LRMDA: variants seen among roughly 807,000 people sequenced by gnomAD.
LRMDA encodes the protein leucine rich melanocyte differentiation associated, also known as leucine-rich melanocyte differentiation-associated protein.
A neutral mutation model predicts 29.8 loss-of-function variants in LRMDA; 18 were observed. The ratio of observed to expected loss-of-function variants is 0.60; its 90% CI spans 0.42 to 0.90. The LOEUF is 0.90. LRMDA is among the 40% of genes least tolerant of loss of function. LRMDA has a pLI of 0.00. For missense variants in LRMDA, 273 were observed against 273.9 expected, an observed-to-expected ratio of 1.00 and a Z score of 0.02; for synonymous variants, 125 against 109.4, an observed-to-expected ratio of 1.14 and a Z score of -0.89.
chr10:76,486,628 C>G (rs1011107674), intron 6 of LRMDA, among the ~76,000 whole-genome samples: 3 of 151,906 alleles, frequency 2.0e-5, no homozygotes, highest in Non-Finnish European at 4.4e-5. Context: ...TACACTGTCA[C>G]ACAGTGGGGA....
At chr10:76,102,825 A>T (rs1276517734) in intron 5 of LRMDA, among the ~76,000 whole-genome samples, 1 of 151,932 alleles carries the variant, frequency 6.6e-6, no homozygotes, top group Non-Finnish European at 1.5e-5. Flanking sequence ...TCTATTTTTT[A>T]AAAATTTTTT....
At chr10:75,746,209 A>T (rs1238806367) in intron 2 of LRMDA, among the ~76,000 whole-genome samples, 1 of 152,206 alleles carries the variant, frequency 6.6e-6, no homozygotes, top group Non-Finnish European at 1.5e-5. Flanking sequence ...TAAATGCTCC[A>T]CAAACATTAG....
intron 2 of LRMDA, among the ~76,000 whole-genome samples, chr10:75,860,569 G>A (rs552375521): frequency 1.1e-4 from 16 of 152,140 alleles, no homozygotes; most frequent in East Asian, 3.9e-4. Flanking sequence ...TGATCTGTCC[G>A]CCTCGGCCTC....
At chr10:75,939,133 C>CT (rs1846346548) in intron 2 of LRMDA, among the ~76,000 whole-genome samples, 1 of 152,106 alleles carries the variant, frequency 6.6e-6, no homozygotes, top group Admixed American at 6.6e-5. Flanking sequence ...CCTTGTGGTC[C>CT]TAAAAACATA....
chr10:76,522,634 C>G (rs1002788322), intron 6 of LRMDA, among the ~76,000 whole-genome samples: 1 of 152,156 alleles, frequency 6.6e-6, no homozygotes, highest in Non-Finnish European at 1.5e-5. Context: ...TCATCCAGTG[C>G]ATTTTTCTAC....
chr10:75,592,472 CCG>C (rs1471631159), intron 2 of LRMDA, among the ~76,000 whole-genome samples: 1 of 152,232 alleles, frequency 6.6e-6, no homozygotes, highest in Non-Finnish European at 1.5e-5. Context: ...TCCTCCTCCA[CCG>C]CGGAGATCTG....
At chr10:75,796,809 C>T (rs1446999765) in intron 2 of LRMDA, among the ~76,000 whole-genome samples, 2 of 152,270 alleles carry the variant, frequency 1.3e-5, no homozygotes, top group Non-Finnish European at 2.9e-5. Context: ...AGGTGATCCA[C>T]CCGCCTTGGC....
At chr10:76,081,850 T>G (rs1295317996) in intron 5 of LRMDA, among the ~76,000 whole-genome samples, 1 of 152,242 alleles carries the variant, frequency 6.6e-6, no homozygotes, top group Non-Finnish European at 1.5e-5. Context: ...ATGCATGTTA[T>G]GTAATACATA....
intron 6 of LRMDA, among the ~76,000 whole-genome samples, chr10:76,497,711 A>C (rs1842887139): frequency 1.3e-5 from 1 of 75,894 alleles, no homozygotes; most frequent in Admixed American, 1.2e-4. Context: ...TATGCATGTA[A>C]ATAGGGTCAG....
At chr10:76,518,799 TATAAG>T (rs1444133976) in intron 6 of LRMDA, among the ~76,000 whole-genome samples, 1 of 152,118 alleles carries the variant, frequency 6.6e-6, no homozygotes. Context: ...CAAAAAAAGA[TATAAG>T]AGATGAATAA....
intron 6 of LRMDA, among the ~76,000 whole-genome samples, chr10:76,524,366 C>T (rs2132365572): frequency 6.6e-6 from 1 of 152,290 alleles, no homozygotes; most frequent in East Asian, 1.9e-4. Flanking sequence ...GCAGCGCTTA[C>T]ATTCTGCAGC....
At chr10:76,417,374 T>G (rs1444015059) in intron 6 of LRMDA, among the ~76,000 whole-genome samples, 5 of 152,186 alleles carry the variant, frequency 3.3e-5, no homozygotes, top group Non-Finnish European at 2.9e-5. Context: ...CCAACTTATT[T>G]TAAAATAAAC....
intron 2 of LRMDA, among the ~76,000 whole-genome samples, chr10:75,462,585 A>C (rs951859109): frequency 4.6e-5 from 7 of 152,202 alleles, no homozygotes; most frequent in African/African-American, 1.7e-4. Flanking sequence ...GGATCCGGGA[A>C]TTGGGGCTGG....
At chr10:76,436,297 T>C (rs1589186541) in intron 6 of LRMDA, among the ~76,000 whole-genome samples, 1 of 152,164 alleles carries the variant, frequency 6.6e-6, no homozygotes, top group East Asian at 1.9e-4. Flanking sequence ...GAGTGAAAAA[T>C]AAGTGTGTGA....
Position 76,047,304 on chromosome 10 carries a change from G to A in LRMDA, c.398+1G>A, listed in dbSNP as rs769661892. 4 of 1,607,866 alleles carry A rather than the reference G, an allele frequency of 2.5e-6. No individual in the cohort carries two copies. In the East Asian group the frequency reaches 6.7e-5, roughly 27 times the overall value. ...ATGAGGAAGACTACAAGAGATACAG[G>A]TGAGTGTCCAGGGGTTGGACCATGG... On this transcript the variant is annotated splice_donor_variant, in intron 4 of 6. Coordinates refer to ENST00000611255, the MANE Select transcript of LRMDA (RefSeq NM_001305581.2). LOFTEE classifies it high-confidence loss of function.
intron 2 of LRMDA, among the ~76,000 whole-genome samples, chr10:75,983,446 A>T (rs944216076): frequency 6.6e-6 from 1 of 152,146 alleles, no homozygotes; most frequent in Non-Finnish European, 1.5e-5. Context: ...TCTGACGATG[A>T]TGATGGTCTT....
intron 5 of LRMDA, among the ~76,000 whole-genome samples, chr10:76,133,558 C>T (rs767438919): frequency 5.9e-5 from 9 of 152,016 alleles, no homozygotes; most frequent in South Asian, 2.1e-4. Flanking sequence ...GTGTGGAGAG[C>T]GAGGAGGGGC....
At chr10:75,933,786 T>G (rs1846242702) in intron 2 of LRMDA, among the ~76,000 whole-genome samples, 1 of 152,156 alleles carries the variant, frequency 6.6e-6, no homozygotes, top group Non-Finnish European at 1.5e-5. Flanking sequence ...GGGGATATGT[T>G]TTTTAGGTGC....
rs577581797 is a variant in LRMDA, at chr10:75,921,239, T to C, written c.132-114769T>C. Among the ~76,000 whole-genome samples, 10 of 152,320 alleles carry C rather than the reference T, an allele frequency of 6.6e-5. No homozygotes were observed. In the East Asian group the frequency reaches 1.5e-3, roughly 24 times the overall value. Reference sequence around the variant, plus strand: ...GTTTATTTGTTGAGGCCCTACTTTGTATTGGGTAGTGTGTATTTAATACTG... The same window carrying C: ...GTTTATTTGTTGAGGCCCTACTTTGCATTGGGTAGTGTGTATTTAATACTG... On this transcript the variant is annotated intron_variant, in intron 2 of 6. Transcript: ENST00000611255.
Sources: gnomAD v4.1 joint callset for allele counts (sites outside exome capture counted in the v4.1 genomes callset) on GRCh38, gnomAD v4.1.1 for gene constraint, MANE v1.5 for transcripts, NCBI Gene and HGNC (gene_info 2026-07-23, HGNC 2026-07-21) for gene names.